Variants in RGS6 observed in about 807,000 individuals in gnomAD.
The protein encoded by RGS6 is regulator of G protein signaling 6, also known as regulator of G-protein signaling 6.
A neutral mutation model predicts 78.5 loss-of-function variants in RGS6; 30 were observed. The ratio of observed to expected loss-of-function variants is 0.38; its 90% confidence interval spans 0.29 to 0.52. The LOEUF is 0.52. Among genes scored for constraint, RGS6 ranks in the 20% least tolerant of loss-of-function variants. The probability of loss-of-function intolerance (pLI) is 0.85; values close to 1 mark genes in which losing one functional copy is unlikely to be tolerated. For synonymous variants in RGS6, 206 were observed against 206.0 expected (o/e 1.00, Z 0.00); for missense variants, 495 against 609.7 (o/e 0.81, Z 1.98).
intron 14 of RGS6, among the ~76,000 whole-genome samples, chr14:72,512,707 G>A (rs184294716): frequency 3.9e-5 from 6 of 152,338 alleles, no homozygotes; most frequent in Admixed American, 1.3e-4. Context: ...ATGATATTCA[G>A]CATAACTGGA....
At chr14:71,889,943 G>A in the RGS6 span, among the ~76,000 whole-genome samples, 2 of 151,970 alleles carry the variant, frequency 1.3e-5, no homozygotes, top group Non-Finnish European at 2.9e-5. Context: ...TATATTAGTT[G>A]GATGCCATTA....
chr14:72,058,026 G>A (rs1459938972), intron 2 of RGS6, among the ~76,000 whole-genome samples: 2 of 151,344 alleles, frequency 1.3e-5, no homozygotes, highest in Non-Finnish European at 2.9e-5. Flanking sequence ...GGAAGTGTTT[G>A]CTTATCCTGC....
At chr14:72,528,042 C>CCACA (rs2153479299) in intron 15 of RGS6, among the ~76,000 whole-genome samples, 1 of 152,334 alleles carries the variant, frequency 6.6e-6, no homozygotes, top group African/African-American at 2.4e-5. Context: ...TCTTAGGAGC[C>CCACA]CACAGCACAG....
intron 2 of RGS6, among the ~76,000 whole-genome samples, chr14:72,021,502 C>T (rs1357354092): frequency 1.6e-5 from 2 of 122,686 alleles, no homozygotes; most frequent in African/African-American, 6.3e-5. Context: ...GCGTTTCGCT[C>T]TTGTCACCTG....
rs577354102 is a variant in RGS6 at position 72,565,053 on chromosome 14, C to T, written c.*2586C>T. The T allele has an allele frequency of 4.6e-5, 7 of 152,288 alleles. No homozygotes were observed. In the South Asian group the frequency reaches 1.0e-3, roughly 23 times the overall value. The allele number at this position is 152,288 out of a possible 1,614,324, so 9.4% of individuals were successfully genotyped here. A position where few individuals can be genotyped will look rare whatever the true frequency, so the allele number is the denominator to read the frequency against. Reference sequence around the variant, plus strand: ...ACATTTGGAAAATCTGGTCTTGGCCCGTCCCCCATTGGCCTGGTCTACACA... The same window carrying T: ...ACATTTGGAAAATCTGGTCTTGGCCTGTCCCCCATTGGCCTGGTCTACACA... On this transcript the variant is annotated 3_prime_UTR_variant, in exon 18 of 18. Coordinates refer to ENST00000553525, the MANE Select transcript of RGS6 (RefSeq NM_001204424.2).
intron 3 of RGS6, among the ~76,000 whole-genome samples, chr14:72,428,559 T>G (rs1272308655): frequency 2.6e-5 from 4 of 152,202 alleles, no homozygotes; most frequent in Non-Finnish European, 5.9e-5. Context: ...GATCTGTTAC[T>G]GGGGTGTACA....
intron 3 of RGS6, among the ~76,000 whole-genome samples, chr14:72,451,485 G>T (rs1052390794): frequency 6.6e-6 from 1 of 152,146 alleles, no homozygotes; most frequent in African/African-American, 2.4e-5. Context: ...GTGCTGAGCC[G>T]GGGGTTGGGG....
intron 2 of RGS6, among the ~76,000 whole-genome samples, chr14:72,260,151 TTTGA>T (rs1303626017): frequency 5.3e-5 from 8 of 152,140 alleles, no homozygotes; most frequent in East Asian, 3.8e-4. Flanking sequence ...CTGTATAAAG[TTTGA>T]TTGTTAGGCT....
At chr14:72,088,254 A>G (rs1287031610) in intron 2 of RGS6, among the ~76,000 whole-genome samples, 2 of 152,150 alleles carry the variant, frequency 1.3e-5, no homozygotes, top group East Asian at 3.9e-4. Flanking sequence ...TAAGAAATAA[A>G]TGCATCACTC....
chr14:72,484,342 T>C (rs113662149), intron 12 of RGS6, among the ~76,000 whole-genome samples: 1 of 152,194 alleles, frequency 6.6e-6, no homozygotes, highest in African/African-American at 2.4e-5. Context: ...TGGATAGTAG[T>C]TTCCCATAGC....
intron 3 of RGS6, among the ~76,000 whole-genome samples, chr14:72,386,853 A>G (rs943944213): frequency 1.3e-5 from 2 of 152,210 alleles, no homozygotes; most frequent in African/African-American, 4.8e-5. Flanking sequence ...GAAATTCTAA[A>G]AAAGGGCAAA....
chr14:72,503,123 G>A (rs933632974), intron 13 of RGS6, among the ~76,000 whole-genome samples: 3 of 152,202 alleles, frequency 2.0e-5, no homozygotes, highest in Admixed American at 6.5e-5. Context: ...AAATGTCTGG[G>A]TCCTCACATG....
chr14:71,988,142 A>G (rs2094801606), intron 2 of RGS6, among the ~76,000 whole-genome samples: 1 of 152,176 alleles, frequency 6.6e-6, no homozygotes, highest in Non-Finnish European at 1.5e-5. Flanking sequence ...AATGTGACTC[A>G]AGGTAGATGA....
At chr14:72,305,563 G>A (rs915511135) in intron 2 of RGS6, among the ~76,000 whole-genome samples, 3 of 152,128 alleles carry the variant, frequency 2.0e-5, no homozygotes, top group African/African-American at 4.8e-5. Context: ...TGTGATCAGT[G>A]TTGTTTATGT....
intron 3 of RGS6, among the ~76,000 whole-genome samples, chr14:72,370,927 T>C (rs1266468368): frequency 2.0e-5 from 3 of 152,156 alleles, no homozygotes; most frequent in African/African-American, 7.2e-5. Context: ...CCAATTGTGG[T>C]TTAAATAAGG....
chr14:72,452,490 A>G (rs1227328262), intron 3 of RGS6, among the ~76,000 whole-genome samples: 2 of 152,166 alleles, frequency 1.3e-5, no homozygotes, highest in East Asian at 3.9e-4. Context: ...GAGAAACAAA[A>G]TGTCTAGGCT....
At chr14:72,001,434 A>G (rs895213573) in intron 2 of RGS6, among the ~76,000 whole-genome samples, 2 of 151,598 alleles carry the variant, frequency 1.3e-5, no homozygotes, top group South Asian at 2.1e-4. Flanking sequence ...GGAACTGAGT[A>G]TTTTATATCA....
intron 16 of RGS6, among the ~76,000 whole-genome samples, chr14:72,539,265 G>C (rs1261223697): frequency 6.6e-6 from 1 of 152,144 alleles, no homozygotes; most frequent in East Asian, 1.9e-4. Flanking sequence ...TCCCCACAAT[G>C]GTTTCTGAGC....
At chr14:71,923,857 G>A in the RGS6 span, among the ~76,000 whole-genome samples, 1 of 152,108 alleles carries the variant, frequency 6.6e-6, no homozygotes, top group African/African-American at 2.4e-5. Flanking sequence ...AATGTTCTAC[G>A]GATTAAAGAG....
Sources: gnomAD v4.1 joint callset for allele counts (sites outside exome capture counted in the v4.1 genomes callset) on GRCh38, gnomAD v4.1.1 for gene constraint, MANE v1.5 for transcripts, NCBI Gene and HGNC (gene_info 2026-07-23, HGNC 2026-07-21) for gene names.